Variants in CTNNA2 observed in about 807,000 individuals in gnomAD.
CTNNA2 encodes catenin alpha-2.
In CTNNA2, 42 loss-of-function variants were observed where a neutral mutation model predicts 101.0. The observed-to-expected ratio is 0.42, with a 90% CI of 0.32 to 0.54. The LOEUF (loss-of-function observed/expected upper bound fraction) is 0.54. CTNNA2 is among the 20% of genes least tolerant of loss of function. CTNNA2 has a pLI of 0.14. For missense variants in CTNNA2, 871 were observed against 1,223.1 expected (o/e 0.71, Z 4.29); for synonymous variants, 450 against 456.4 (o/e 0.99, Z 0.18).
intron 2 of CTNNA2, among the ~76,000 whole-genome samples, chr2:79,706,487 T>C (rs773285419): frequency 4.6e-5 from 7 of 152,162 alleles, no homozygotes; most frequent in Admixed American, 1.3e-4. Context: ...TTCCCACTTA[T>C]GTACCATAGT....
At chr2:80,522,720 A>G (rs1559179154) in intron 9 of CTNNA2, among the ~76,000 whole-genome samples, 1 of 152,080 alleles carries the variant, frequency 6.6e-6, no homozygotes, top group Non-Finnish European at 1.5e-5. Context: ...AGCCACGTGA[A>G]GACGGCTTGC....
chr2:79,295,057 G>A (rs761077399), intron 2 of CTNNA2, among the ~76,000 whole-genome samples: 3 of 151,790 alleles, frequency 2.0e-5, no homozygotes, highest in Non-Finnish European at 2.9e-5. Flanking sequence ...TCATCTTCAG[G>A]TTTCATGCAA....
At chr2:79,270,274 T>C (rs1439388162) in intron 2 of CTNNA2, among the ~76,000 whole-genome samples, 1 of 152,120 alleles carries the variant, frequency 6.6e-6, no homozygotes, top group Non-Finnish European at 1.5e-5. Context: ...ATTTAGTCAA[T>C]GCCAAACTCT....
At chr2:79,770,868 G>C (rs1366852957) in intron 3 of CTNNA2, among the ~76,000 whole-genome samples, 1 of 152,188 alleles carries the variant, frequency 6.6e-6, no homozygotes, top group South Asian at 2.1e-4. Context: ...TTCAAAGTAA[G>C]TGAAATCAAT....
intron 12 of CTNNA2, among the ~76,000 whole-genome samples, chr2:80,571,455 A>T (rs945401864): frequency 1.3e-4 from 20 of 152,214 alleles, no homozygotes; most frequent in Non-Finnish European, 1.5e-5. Flanking sequence ...AGATTCAAAG[A>T]TACAAAAAGA....
At chr2:80,214,095 A>G (rs1708092364) in intron 7 of CTNNA2, among the ~76,000 whole-genome samples, 1 of 151,856 alleles carries the variant, frequency 6.6e-6, no homozygotes. Flanking sequence ...CTTTGTTTTG[A>G]GCCTATGTGT....
At chr2:80,449,679 A>G (rs901936443) in intron 9 of CTNNA2, among the ~76,000 whole-genome samples, 15 of 152,288 alleles carry the variant, frequency 9.8e-5, no homozygotes, top group Non-Finnish European at 1.9e-4. Context: ...GGAATTATCC[A>G]GTGATCAATA....
intron 3 of CTNNA2, among the ~76,000 whole-genome samples, chr2:79,342,302 C>A (rs983124925): frequency 6.6e-6 from 1 of 152,194 alleles, no homozygotes; most frequent in African/African-American, 2.4e-5. Context: ...CCAGCTCCAA[C>A]TGAGCACTAT....
chr2:80,159,742 G>A (rs1704197644), intron 7 of CTNNA2, among the ~76,000 whole-genome samples: 1 of 152,078 alleles, frequency 6.6e-6, no homozygotes, highest in Non-Finnish European at 1.5e-5. Context: ...CCAAAGTGCT[G>A]GGATTACAGG....
intron 3 of CTNNA2, among the ~76,000 whole-genome samples, chr2:79,336,732 G>A (rs1199473971): frequency 6.6e-6 from 1 of 152,146 alleles, no homozygotes; most frequent in Non-Finnish European, 1.5e-5. Context: ...CAGGACACTG[G>A]CATTGAACTC....
rs1027828775 is a variant in CTNNA2, at chr2:79,647,140, C to T, written c.-5-4412C>T. ...TTGAGACTATATATCATTTTATCCTCAGAAAGATGAAGGGCTCGTGAGACT... is the reference window on the plus strand; with the variant it reads ...TTGAGACTATATATCATTTTATCCTTAGAAAGATGAAGGGCTCGTGAGACT... On this transcript the variant is annotated intron_variant, in intron 1 of 18. Transcript: ENST00000402739. Among the ~76,000 whole-genome samples, 16 of 152,178 alleles carry T rather than the reference C, an allele frequency of 1.1e-4. 1 individual carries two copies. The highest frequency in any genetic ancestry group is 3.9e-4 in the African/African-American group (16 of 41,440).
At chr2:79,885,743 C>T (rs968909189) in intron 6 of CTNNA2, among the ~76,000 whole-genome samples, 1 of 152,284 alleles carries the variant, frequency 6.6e-6, no homozygotes, top group East Asian at 1.9e-4. Context: ...TGACAGGGCC[C>T]TTCTATTAAT....
rs192462089 is a variant in CTNNA2 at position 80,484,427 on chromosome 2, A to C, written c.1291-60555A>C. Among the ~76,000 whole-genome samples the C allele has an allele frequency of 1.5e-3, 227 of 152,296 alleles. 1 individual carries two copies. The highest frequency in any genetic ancestry group is 5.2e-3 in the African/African-American group (218 of 41,564). Reference sequence around the variant, plus strand: ...AAACAGTGTCTAGTGTCTTAAAATTAATAATAGTAATAATACTTGGCTCAT... The same window carrying C: ...AAACAGTGTCTAGTGTCTTAAAATTCATAATAGTAATAATACTTGGCTCAT... On this transcript the variant is annotated intron_variant, in intron 9 of 18. Coordinates refer to ENST00000402739, the MANE Select transcript of CTNNA2 (RefSeq NM_001282597.3).
chr2:79,243,007 C>CACACACACAT (rs1553385630), intron 2 of CTNNA2, among the ~76,000 whole-genome samples: 8 of 142,670 alleles, frequency 5.6e-5, no homozygotes, highest in African/African-American at 2.1e-4. Context: ...CACACACACA[C>CACACACACAT]ACACACACAC....
chr2:79,282,110 A>G (rs1675404276), intron 2 of CTNNA2, among the ~76,000 whole-genome samples: 1 of 152,166 alleles, frequency 6.6e-6, no homozygotes, highest in African/African-American at 2.4e-5. Context: ...AATTGAGATG[A>G]GAAAATTAGA....
intron 5 of CTNNA2, among the ~76,000 whole-genome samples, chr2:79,872,179 A>G (rs1204506246): frequency 1.3e-5 from 2 of 152,066 alleles, no homozygotes; most frequent in African/African-American, 4.8e-5. Flanking sequence ...TCATGTTATT[A>G]ATTTTTGGAA....
At chr2:80,595,050 G>A (rs1290943429) in intron 15 of CTNNA2, among the ~76,000 whole-genome samples, 1 of 152,048 alleles carries the variant, frequency 6.6e-6, no homozygotes, top group Admixed American at 6.6e-5. Flanking sequence ...ATGCCTTTGG[G>A]TTTTGATAGG....
intron 7 of CTNNA2, among the ~76,000 whole-genome samples, chr2:79,974,700 A>G (rs1690715084): frequency 6.6e-6 from 1 of 152,190 alleles, no homozygotes; most frequent in Non-Finnish European, 1.5e-5. Context: ...GCTGAATGAA[A>G]TGGACAAAAT....
chr2:80,158,184 G>C (rs1323750277), intron 7 of CTNNA2, among the ~76,000 whole-genome samples: 1 of 152,142 alleles, frequency 6.6e-6, no homozygotes, highest in Non-Finnish European at 1.5e-5. Flanking sequence ...AGAGAGTAAG[G>C]TTGCCCCAAG....
Sources: gnomAD v4.1 joint callset for allele counts (sites outside exome capture counted in the v4.1 genomes callset) on GRCh38, gnomAD v4.1.1 for gene constraint, MANE v1.5 for transcripts, NCBI Gene and HGNC (gene_info 2026-07-23, HGNC 2026-07-21) for gene names.